The following ADCY9 variants were observed in gnomAD, a reference collection of about 807,000 sequenced individuals.
The protein encoded by ADCY9 is adenylate cyclase 9.
A neutral mutation model predicts 101.5 loss-of-function variants in ADCY9; 50 were observed. The ratio of observed to expected loss-of-function variants is 0.49; its 90% CI spans 0.39 to 0.62. The LOEUF (loss-of-function observed/expected upper bound fraction) is 0.62, where lower values mean the gene tolerates loss of function less well. ADCY9 is among the 20% of genes least tolerant of loss of function. The pLI, the probability that ADCY9 is intolerant of heterozygous loss-of-function variation, is 0.00. For synonymous variants in ADCY9, 905 were observed against 769.3 expected (o/e 1.18, Z -2.92); for missense variants, 1,662 against 1,800.4 (o/e 0.92, Z 1.39).
chr16:4,011,607 C>G (rs565754155), intron 2 of ADCY9, among the ~76,000 whole-genome samples: 2 of 152,310 alleles, frequency 1.3e-5, no homozygotes, highest in Non-Finnish European at 2.9e-5. Context: ...GAGGGGGCCT[C>G]GGAGTCGGGT....
rs2057151717 is a variant in ADCY9, at chr16:4,116,215, A to G, written c.-569T>C. 1 of 144,994 alleles carries G rather than the reference A, an allele frequency of 6.9e-6. No homozygotes were observed. The highest frequency in any genetic ancestry group is 2.5e-5 in the African/African-American group (1 of 40,424). 9.0% of individuals were successfully genotyped at this position (144,994 alleles called of 1,614,324 possible). On this transcript the variant is annotated 5_prime_UTR_variant, in exon 1 of 11. Coordinates refer to ENST00000294016, the MANE Select transcript of ADCY9 (RefSeq NM_001116.4). Reference sequence around the variant, plus strand: ...GTCCCGGGACCGAGCGCGTGGAACCACGGACGCGGGCCCCTCGCCGGGCGG... The same window carrying G: ...GTCCCGGGACCGAGCGCGTGGAACCGCGGACGCGGGCCCCTCGCCGGGCGG...
intron 2 of ADCY9, among the ~76,000 whole-genome samples, chr16:4,076,201 G>A (rs12933665): frequency 0.13 from 19,744 of 152,126 alleles, 1,336 homozygotes; most frequent in Middle Eastern, 0.17. Flanking sequence ...CAAGACCCCC[G>A]TCTTACAAAA....
At chr16:4,055,746 ACGGCATGAACC>A (rs1481872403) in intron 2 of ADCY9, among the ~76,000 whole-genome samples, 1 of 152,096 alleles carries the variant, frequency 6.6e-6, no homozygotes. Flanking sequence ...AGGCAGGAGA[ACGGCATGAACC>A]CAGAAGGCAG....
At chr16:3,972,818 T>C (rs2056064136) in intron 10 of ADCY9, among the ~76,000 whole-genome samples, 1 of 152,054 alleles carries the variant, frequency 6.6e-6, no homozygotes, top group African/African-American at 2.4e-5. Flanking sequence ...GTAGTGGTAA[T>C]GCTCTACTTC....
chr16:4,056,196 C>T (rs142587355), intron 2 of ADCY9, among the ~76,000 whole-genome samples: 26 of 152,312 alleles, frequency 1.7e-4, no homozygotes, highest in African/African-American at 6.3e-4. Flanking sequence ...TAGAAGATCT[C>T]CAGGCCCAGC....
chr16:3,971,557 G>A (rs146165226), intron 10 of ADCY9, among the ~76,000 whole-genome samples: 1 of 152,276 alleles, frequency 6.6e-6, no homozygotes, highest in African/African-American at 2.4e-5. Context: ...CAAGTACTAA[G>A]CAAAATAACC....
chr16:4,081,382 G>A (rs549022146), intron 2 of ADCY9, among the ~76,000 whole-genome samples: 13 of 152,360 alleles, frequency 8.5e-5, no homozygotes, highest in South Asian at 2.1e-4. Context: ...GGAGCTGGCC[G>A]CACAGGAGAC....
chr16:3,962,314 T>C (rs958018650), downstream of ADCY9, among the ~76,000 whole-genome samples: 7 of 152,196 alleles, frequency 4.6e-5, no homozygotes, highest in African/African-American at 1.7e-4. Flanking sequence ...CAATTCCTTC[T>C]CTAAGGATGT....
intron 2 of ADCY9, among the ~76,000 whole-genome samples, chr16:4,102,470 G>A (rs771025357): frequency 2.0e-5 from 3 of 152,160 alleles, no homozygotes; most frequent in East Asian, 1.9e-4. Flanking sequence ...TTGTTGCCCA[G>A]GCTAGAGAGC....
At chr16:3,991,868 G>A (rs1356027203) in intron 5 of ADCY9, among the ~76,000 whole-genome samples, 1 of 150,932 alleles carries the variant, frequency 6.6e-6, no homozygotes, top group African/African-American at 2.4e-5. Context: ...TCAGGAGTAT[G>A]GAGACCAGCC....
intron 2 of ADCY9, among the ~76,000 whole-genome samples, chr16:4,025,637 G>A (rs1394695731): frequency 1.3e-5 from 2 of 152,216 alleles, no homozygotes; most frequent in Non-Finnish European, 2.9e-5. Context: ...CCGGGGGTGT[G>A]GCAGGGCGGA....
chr16:4,007,588 A>G, intron 2 of ADCY9, 30 bp from the exon 3 acceptor site: 1 of 1,564,760 alleles, frequency 6.4e-7, no homozygotes, highest in Non-Finnish European at 8.7e-7. Context: ...CAGTCAGCAC[A>G]GATTGAAAGC....
chr16:3,979,364 C>T, intron 7 of ADCY9, 89 bp from the exon 8 acceptor site: 3 of 1,466,790 alleles, frequency 2.0e-6, no homozygotes, highest in Non-Finnish European at 2.8e-6. Context: ...GCCAGCGCCG[C>T]CCTCTGCTCT....
chr16:4,110,971 G>A (rs1246175831), intron 2 of ADCY9, among the ~76,000 whole-genome samples: 1 of 152,030 alleles, frequency 6.6e-6, no homozygotes, highest in Non-Finnish European at 1.5e-5. Context: ...CACGATCACG[G>A]ATCCTGCTCC....
intron 5 of ADCY9, among the ~76,000 whole-genome samples, chr16:3,957,434 G>A (rs1324845921): frequency 6.6e-6 from 1 of 152,138 alleles, no homozygotes; most frequent in Non-Finnish European, 1.5e-5. Context: ...TCAAAGCAGT[G>A]CCTGGTGATC....
rs990963552 is a variant in ADCY9, at chr16:3,992,623, A to G, written c.1990-260T>C. 6.6e-6 allele frequency among the ~76,000 whole-genome samples: 1 copy of G among 152,166 alleles called. No individual in the cohort carries two copies. The highest frequency in any genetic ancestry group is 2.4e-5 in the African/African-American group (1 of 41,526). On this transcript the variant is annotated intron_variant, in intron 4 of 10. Transcript: ENST00000294016. This position sits in a 1 kb window ranked among gnomAD's most constrained non-coding sequence, Gnocchi z 4.2. ...GTTCAGGCTGCCAGGACATTGAGAC[A>G]TGGGAAGAGTCGGTGCGGAGGTGGA...
At chr16:4,062,205 C>T (rs1179867215) in intron 2 of ADCY9, among the ~76,000 whole-genome samples, 3 of 152,082 alleles carry the variant, frequency 2.0e-5, no homozygotes, top group East Asian at 3.8e-4. Context: ...TGATGAGATG[C>T]ATATTGCAAT....
chr16:4,049,658 C>T (rs955813655), intron 2 of ADCY9, among the ~76,000 whole-genome samples: 1 of 152,206 alleles, frequency 6.6e-6, no homozygotes, highest in African/African-American at 2.4e-5. Flanking sequence ...CCGCCTCCAA[C>T]CCATCCCTTC....
At chr16:4,029,974 C>T (rs1211395741) in intron 2 of ADCY9, among the ~76,000 whole-genome samples, 1 of 152,130 alleles carries the variant, frequency 6.6e-6, no homozygotes, top group Non-Finnish European at 1.5e-5. Context: ...GGCTGCAATT[C>T]AACAGAGTGA....
Sources: allele counts gnomAD v4.1 joint callset (sites outside exome capture counted in the v4.1 genomes callset), GRCh38; gene constraint gnomAD v4.1.1; non-coding constraint Gnocchi (gnomAD v3.1); transcripts MANE v1.5; gene names NCBI Gene and HGNC (gene_info 2026-07-23, HGNC 2026-07-21).